The following ZDHHC15 variants were observed in gnomAD, a reference collection of about 807,000 sequenced individuals.
The protein encoded by ZDHHC15 is zDHHC palmitoyltransferase 15.
Under a neutral mutation model 31.7 loss-of-function variants are expected in ZDHHC15, and 19 were observed. That is an observed-to-expected ratio of 0.60 (90% CI 0.42 to 0.88). The LOEUF is 0.88. Ranked by LOEUF, ZDHHC15 falls within the 40% of genes least tolerant of loss-of-function variation. The pLI, the probability that ZDHHC15 is intolerant of heterozygous loss-of-function variation, is 0.00. For synonymous variants in ZDHHC15, 103 were observed against 90.0 expected (o/e 1.14, Z -0.82); for missense variants, 209 against 251.2 (o/e 0.83, Z 1.14).
intron 3 of ZDHHC15, among the ~76,000 whole-genome samples, chrX:75,461,273 T>C (rs1171916284): frequency 9.0e-6 from 1 of 111,512 alleles, no homozygotes; most frequent in Non-Finnish European, 1.9e-5. Context: ...ATCTGAGAAA[T>C]ATGGAATTAT....
At chrX:75,470,454 C>T (rs765583280) in intron 3 of ZDHHC15, among the ~76,000 whole-genome samples, 2 of 111,174 alleles carry the variant, frequency 1.8e-5, no homozygotes, top group South Asian at 3.8e-4. Flanking sequence ...TACCTTTGAC[C>T]ATATGTGGAG....
intron 10 of ZDHHC15, among the ~76,000 whole-genome samples, chrX:75,391,615 C>T (rs1281754594): frequency 8.9e-6 from 1 of 111,756 alleles, no homozygotes; most frequent in Non-Finnish European, 1.9e-5. Context: ...GTATATATAG[C>T]AAAAAATATT....
intron 10 of ZDHHC15, among the ~76,000 whole-genome samples, chrX:75,408,607 C>T (rs2083446930): frequency 8.9e-6 from 1 of 111,734 alleles, no homozygotes; most frequent in Non-Finnish European, 1.9e-5. Flanking sequence ...CCAAAGCAAT[C>T]AGATAAGAGA....
At chrX:75,503,072 T>C (rs1017299165) in intron 2 of ZDHHC15, among the ~76,000 whole-genome samples, 2 of 110,620 alleles carry the variant, frequency 1.8e-5, no homozygotes, top group African/African-American at 6.5e-5. Flanking sequence ...TTATTACACA[T>C]TGTATGCCCA....
chrX:75,461,109 G>C (rs2084307740), intron 3 of ZDHHC15, among the ~76,000 whole-genome samples: 2 of 112,044 alleles, frequency 1.8e-5, no homozygotes, highest in Admixed American at 1.9e-4. Context: ...ACATGACGGA[G>C]CTAGAAAACA....
At chrX:75,452,584 A>G (rs1293477105) in intron 3 of ZDHHC15, among the ~76,000 whole-genome samples, 2 of 111,905 alleles carry the variant, frequency 1.8e-5, no homozygotes, top group East Asian at 2.8e-4. Context: ...CACAGAATAT[A>G]CATTCTTCTC....
chrX:75,493,409 G>T (rs751547290), intron 2 of ZDHHC15, among the ~76,000 whole-genome samples: 31 of 111,825 alleles, frequency 2.8e-4, no homozygotes, highest in Admixed American at 6.7e-4. Context: ...AGAAAAAGGG[G>T]AAATCCTCCC....
intron 10 of ZDHHC15, among the ~76,000 whole-genome samples, chrX:75,383,895 C>T (rs1437509529): frequency 1.3e-4 from 13 of 99,449 alleles, no homozygotes; most frequent in African/African-American, 4.4e-4. Context: ...TCCCCCACCA[C>T]ACCCAGCTAA....
chrX:75,450,681 T>A (rs757690999), intron 4 of ZDHHC15, 121 bp downstream of exon 4: 1 of 1,184,133 alleles, frequency 8.4e-7, no homozygotes, highest in East Asian at 3.0e-5. Context: ...TGGAGAAAAA[T>A]CTCCATAGTG....
At chrX:75,456,391 A>G (rs770631436) in intron 3 of ZDHHC15, among the ~76,000 whole-genome samples, 1 of 109,996 alleles carries the variant, frequency 9.1e-6, no homozygotes, top group South Asian at 4.0e-4. Flanking sequence ...ATTAGGAGAA[A>G]TACCTAATGT....
intron 10 of ZDHHC15, among the ~76,000 whole-genome samples, chrX:75,406,026 G>C (rs940646371): frequency 3.6e-5 from 4 of 111,474 alleles, no homozygotes; most frequent in African/African-American, 1.3e-4. Context: ...GACCACAATG[G>C]ATAAAACTAG....
intron 10 of ZDHHC15, among the ~76,000 whole-genome samples, chrX:75,403,485 A>T (rs1178365319): frequency 8.9e-6 from 1 of 111,958 alleles, no homozygotes; most frequent in Non-Finnish European, 1.9e-5. Context: ...AAAACCCCAT[A>T]GTCTTGGCCA....
chrX:75,415,553 G>T (rs2147830039), intron 10 of ZDHHC15, among the ~76,000 whole-genome samples: 1 of 112,041 alleles, frequency 8.9e-6, no homozygotes, highest in African/African-American at 3.2e-5. Context: ...TAGCATTGTA[G>T]TGGAAAAAAA....
intron 10 of ZDHHC15, among the ~76,000 whole-genome samples, chrX:75,408,789 A>C (rs1190713067): frequency 2.7e-5 from 3 of 112,723 alleles, no homozygotes; most frequent in Non-Finnish European, 5.6e-5. Context: ...AGTAGAATTT[A>C]TGCACACCAA....
intron 2 of ZDHHC15, among the ~76,000 whole-genome samples, chrX:75,482,039 C>A (rs1002164707): frequency 2.7e-5 from 3 of 111,590 alleles, no homozygotes; most frequent in Non-Finnish European, 5.6e-5. Context: ...GTGTAAGACG[C>A]CCATAAGGTG....
intron 2 of ZDHHC15, among the ~76,000 whole-genome samples, chrX:75,496,049 G>T (rs1363192623): frequency 2.7e-5 from 3 of 110,466 alleles, no homozygotes; most frequent in Non-Finnish European, 3.8e-5. Flanking sequence ...CTATTTAGAA[G>T]ATACAGAATG....
At chrX:75,504,015 C>T (rs1293417525) in intron 2 of ZDHHC15, among the ~76,000 whole-genome samples, 2 of 111,093 alleles carry the variant, frequency 1.8e-5, no homozygotes, top group South Asian at 3.8e-4. Context: ...TCCAAATTTC[C>T]CTCTTCATAT....
At chrX:75,479,711 T>G (rs1340008622) in intron 2 of ZDHHC15, among the ~76,000 whole-genome samples, 1 of 111,431 alleles carries the variant, frequency 9.0e-6, no homozygotes, top group Non-Finnish European at 1.9e-5. Flanking sequence ...CACAGTCTGT[T>G]TCCATATGTA....
intron 4 of ZDHHC15, among the ~76,000 whole-genome samples, chrX:75,442,286 T>C (rs1488332865): frequency 1.8e-5 from 2 of 111,497 alleles, no homozygotes; most frequent in African/African-American, 3.3e-5. Flanking sequence ...CAACATAGTG[T>C]TGGAAGTTCT....
Sources: allele counts gnomAD v4.1 joint callset (sites outside exome capture counted in the v4.1 genomes callset), GRCh38; gene constraint gnomAD v4.1.1; transcripts MANE v1.5; gene names NCBI Gene and HGNC (gene_info 2026-07-23, HGNC 2026-07-21).